Variants in SLC25A30 observed in about 807,000 individuals in gnomAD.
The protein encoded by SLC25A30 is kidney mitochondrial carrier protein 1.
Under a neutral mutation model 42.7 loss-of-function variants are expected in SLC25A30, and 29 were observed. That is an observed-to-expected ratio of 0.68 (90% CI 0.51 to 0.93). The LOEUF is 0.93. SLC25A30 is among the 40% of genes least tolerant of loss of function. SLC25A30 has a pLI of 0.00. For missense variants in SLC25A30, 300 were observed against 359.7 expected, an observed-to-expected ratio of 0.83 and a Z score of 1.34; for synonymous variants, 124 against 131.0, an observed-to-expected ratio of 0.95 and a Z score of 0.37.
upstream of SLC25A30, among the ~76,000 whole-genome samples, chr13:45,423,283 T>C (rs1883939009): frequency 6.6e-6 from 1 of 151,952 alleles, no homozygotes; most frequent in African/African-American, 2.4e-5. Context: ...TCTGCTTCCT[T>C]AGATGTGTTC....
In SLC25A30 at chr13:45,404,401, G is replaced by T. The variant is rs1446066744; in HGVS notation, c.319C>A (p.Pro107Thr). The T allele has an allele frequency of 1.9e-6, 3 of 1,611,422 alleles. No homozygotes were observed. The African/African-American group carries it at 4.0e-5, about 22-fold the overall frequency. ...AGAATTCCACATATCACATTTATCG[G>T]TAGAGTTTCATCTGTAAACAATGAC... ...FIERPEDETLPINVICGILSG... is the reference protein window; with the variant it reads ...FIERPEDETLTINVICGILSG... The change falls in exon 5 of 10, where the codon CCG becomes ACG. Residue 107 changes from proline (P) to threonine (T), a missense_variant. Coordinates refer to ENST00000519676, the MANE Select transcript of SLC25A30 (RefSeq NM_001010875.4).
In SLC25A30 at chr13:45,394,154, G is replaced by A; in HGVS notation, c.*1820C>T. Reference sequence around the variant, plus strand: ...AAGCAGCAAGGCCTGAATGAGCTCTGGGGTCCTCTGCTGCCCTCTAGGGTT... The same window carrying A: ...AAGCAGCAAGGCCTGAATGAGCTCTAGGGTCCTCTGCTGCCCTCTAGGGTT... On this transcript the variant is annotated 3_prime_UTR_variant, in exon 10 of 10. Transcript: ENST00000519676. 3.0e-6 allele frequency: 3 copies of A among 985,296 alleles called. No homozygotes were observed. Among genetic ancestry groups the A allele is most frequent in the Non-Finnish European group, 3.6e-6 (3 of 829,898 alleles). 61.0% of individuals were successfully genotyped at this position (985,296 alleles called of 1,614,324 possible). A position where few individuals can be genotyped will look rare whatever the true frequency, so the allele number is the denominator to read the frequency against.
the SLC25A30 span, among the ~76,000 whole-genome samples, chr13:45,425,585 AATATATATATAC>A: frequency 2.9e-3 from 204 of 71,044 alleles, 29 homozygotes; most frequent in African/African-American, 7.6e-3. Flanking sequence ...TATATATATA[AATATATATATAC>A]ATATATATAT....
intron 8 of SLC25A30, chr13:45,397,542 A>C: frequency 2.5e-6 from 1 of 396,732 alleles, no homozygotes; most frequent in Non-Finnish European, 4.5e-6. Context: ...AATACAAAAA[A>C]AAAATTAGCC....
chr13:45,402,194 A>T, intron 6 of SLC25A30, 81 bp downstream of exon 6: 1 of 1,088,344 alleles, frequency 9.2e-7, no homozygotes, highest in South Asian at 1.4e-5. Flanking sequence ...CACTTGGATT[A>T]AAATTAAGTG....
intron 2 of SLC25A30, 34 bp from the exon 3 acceptor site, chr13:45,409,108 A>G (rs762373234): frequency 3.3e-6 from 5 of 1,537,176 alleles, no homozygotes; most frequent in Non-Finnish European, 4.4e-6. Flanking sequence ...CTTAATAAAA[A>G]GAAATTCCAC....
At chr13:45,424,532 T>C in the SLC25A30 span, among the ~76,000 whole-genome samples, 31 of 69,074 alleles carry the variant, frequency 4.5e-4, 3 homozygotes, top group African/African-American at 1.7e-3. Context: ...TAAAAATATA[T>C]ATAAATATAT....
chr13:45,393,472 A>G lies in SLC25A30; in HGVS notation c.*2502T>C. ...CATACTATTTCTAGCACATGAATAA[A>G]TATAAAGGACAGGAGCCACTTTTTA... On this transcript the variant is annotated 3_prime_UTR_variant, in exon 10 of 10. Coordinates refer to ENST00000519676, the MANE Select transcript of SLC25A30 (RefSeq NM_001010875.4). 1.0e-6 allele frequency: 1 copy of G among 984,828 alleles called. No homozygotes were observed. Among genetic ancestry groups the G allele is most frequent in the Non-Finnish European group, 1.2e-6 (1 of 829,348 alleles). 61.0% of individuals were successfully genotyped at this position (984,828 alleles called of 1,614,324 possible).
chr13:45,423,402 T>C (rs1883943701), upstream of SLC25A30, among the ~76,000 whole-genome samples: 1 of 149,944 alleles, frequency 6.7e-6, no homozygotes. Flanking sequence ...CTGCATTTAC[T>C]TATTTTGGTA....
chr13:45,401,631 A>G (rs1223900421), intron 6 of SLC25A30, among the ~76,000 whole-genome samples: 2 of 152,112 alleles, frequency 1.3e-5, no homozygotes, highest in Non-Finnish European at 2.9e-5. Flanking sequence ...AAAACACCCA[A>G]TGGAACTGTA....
chr13:45,416,206 G>A (rs1290597872), intron 1 of SLC25A30, among the ~76,000 whole-genome samples: 2 of 150,912 alleles, frequency 1.3e-5, no homozygotes, highest in Non-Finnish European at 3.0e-5. Flanking sequence ...TCAGGAGTTC[G>A]AGACCAGCCT....
At chr13:45,411,598 T>C in intron 1 of SLC25A30, 118 bp from the exon 2 acceptor site, 1 of 628,856 alleles carries the variant, frequency 1.6e-6, no homozygotes, top group Non-Finnish European at 2.8e-6. Context: ...CTGCAGCAAT[T>C]CCCAAGGGGA....
chr13:45,404,369 T>C lies in SLC25A30; in HGVS notation c.351A>G (p.Gly117=), dbSNP rs764931089. 1 of 1,613,664 alleles carries C rather than the reference T, an allele frequency of 6.2e-7. No individual in the cohort carries two copies. The highest frequency in any genetic ancestry group is 2.2e-5 in the East Asian group (1 of 44,868). The change falls in exon 5 of 10, where the codon GGA becomes GGG. Residue 117 remains glycine (G), a synonymous_variant. Transcript: ENST00000519676. ...PINVICGILS[G]VISSTIANPT... ...GATTAGCAATGGTTGAAGATATGAC[T>C]CCAGACAGAATTCCACATATCACAT...
intron 3 of SLC25A30, 91 bp from the exon 4 acceptor site, chr13:45,406,068 A>G (rs1262071323): frequency 1.7e-6 from 2 of 1,175,030 alleles, no homozygotes; most frequent in Non-Finnish European, 2.5e-6. Context: ...ATCCATAATC[A>G]AACTACATTC....
chr13:45,424,626 T>TAA, the SLC25A30 span, among the ~76,000 whole-genome samples: 2 of 58,462 alleles, frequency 3.4e-5, no homozygotes, highest in Admixed American at 2.8e-4. Flanking sequence ...TAAATATATA[T>TAA]AAATATGTAT....
At chr13:45,425,551 A>C in the SLC25A30 span, among the ~76,000 whole-genome samples, 11 of 62,850 alleles carry the variant, frequency 1.8e-4, no homozygotes, top group South Asian at 3.3e-4. Context: ...TATATATATA[A>C]GTATATATAT....
At chr13:45,432,721 A>C in the SLC25A30 span, among the ~76,000 whole-genome samples, 14 of 151,912 alleles carry the variant, frequency 9.2e-5, no homozygotes, top group Non-Finnish European at 1.0e-4. Context: ...AAAAAAAAAA[A>C]CAATCAATTC....
Position 45,400,295 on chromosome 13 carries a change from G to A in SLC25A30, c.614+788C>T, listed in dbSNP as rs140056517. ...AAATTAACCGGGTGTGGTGGCATGC[G>A]CCGGCAGTCCCAGCTACTTGGAAGG... On this transcript the variant is annotated intron_variant, in intron 7 of 9. Coordinates refer to ENST00000519676, the MANE Select transcript of SLC25A30 (RefSeq NM_001010875.4). Among the ~76,000 whole-genome samples the A allele has an allele frequency of 1.0e-3, 153 of 151,742 alleles. 2 individuals carry two copies. The highest frequency in any genetic ancestry group is 9.9e-4 in the Non-Finnish European group (67 of 67,918).
chr13:45,423,886 T>TAAAAAAAAA, the SLC25A30 span, among the ~76,000 whole-genome samples: 1 of 77,722 alleles, frequency 1.3e-5, no homozygotes, highest in Non-Finnish European at 2.3e-5. Context: ...TATAAAAATA[T>TAAAAAAAAA]ATATATAAAT....
Sources: gnomAD v4.1 joint callset for allele counts (sites outside exome capture counted in the v4.1 genomes callset) on GRCh38, gnomAD v4.1.1 for gene constraint, MANE v1.5 for transcripts, NCBI Gene and HGNC (gene_info 2026-07-23, HGNC 2026-07-21) for gene names.